Variants in NRXN3 observed in about 807,000 individuals in gnomAD.
The protein encoded by NRXN3 is neurexin III.
In NRXN3, 32 loss-of-function variants were observed where a neutral mutation model predicts 137.6. The observed-to-expected ratio is 0.23, with a 90% CI of 0.18 to 0.31. The LOEUF is 0.31. Ranked by LOEUF, NRXN3 falls within the 10% of genes least tolerant of loss-of-function variation. The pLI, the probability that NRXN3 is intolerant of heterozygous loss-of-function variation, is 1.00. For synonymous variants in NRXN3, 798 were observed against 784.5 expected, an observed-to-expected ratio of 1.02 and a Z score of -0.29; for missense variants, 1,574 against 2,062.5, an observed-to-expected ratio of 0.76 and a Z score of 4.59.
intron 10 of NRXN3, among the ~76,000 whole-genome samples, chr14:78,853,148 A>T (rs539799929): frequency 2.0e-5 from 3 of 152,118 alleles, no homozygotes; most frequent in Non-Finnish European, 4.4e-5. Flanking sequence ...TACATGTGCC[A>T]TGTTGGTGTG....
chr14:79,513,021 G>T (rs1273175767), intron 16 of NRXN3, among the ~76,000 whole-genome samples: 1 of 152,162 alleles, frequency 6.6e-6, no homozygotes, highest in African/African-American at 2.4e-5. Context: ...TTATTAACAT[G>T]GAATGATGCC....
chr14:78,651,558 G>A (rs57288222), intron 6 of NRXN3, among the ~76,000 whole-genome samples: 26,037 of 152,128 alleles, frequency 0.17, 2,405 homozygotes, highest in South Asian at 0.24. Flanking sequence ...GCATGCTGCT[G>A]ATAAAGACAT....
chr14:78,502,756 C>T (rs1474038924), intron 4 of NRXN3, among the ~76,000 whole-genome samples: 2 of 152,178 alleles, frequency 1.3e-5, no homozygotes, highest in Non-Finnish European at 2.9e-5. Flanking sequence ...CTCCCTCACC[C>T]TTCCATTCCT....
intron 4 of NRXN3, among the ~76,000 whole-genome samples, chr14:78,541,467 G>A (rs927992912): frequency 9.9e-5 from 15 of 152,160 alleles, no homozygotes; most frequent in Non-Finnish European, 8.8e-5. Flanking sequence ...AGCTCCATCA[G>A]GTCATTTAAG....
At chr14:79,536,252 G>A (rs1474694356) in intron 16 of NRXN3, among the ~76,000 whole-genome samples, 1 of 152,142 alleles carries the variant, frequency 6.6e-6, no homozygotes. Context: ...AGTACACAGA[G>A]CATGGAAAAC....
chr14:78,171,896 CT>C (rs144209355), intron 1 of NRXN3, among the ~76,000 whole-genome samples: 67 of 148,016 alleles, frequency 4.5e-4, no homozygotes, highest in African/African-American at 1.2e-3. Flanking sequence ...ATTGTTAATA[CT>C]TTTTTTTTTA....
intron 16 of NRXN3, among the ~76,000 whole-genome samples, chr14:79,552,812 G>A (rs2097387793): frequency 3.3e-5 from 5 of 152,132 alleles, no homozygotes; most frequent in Admixed American, 3.3e-4. Flanking sequence ...TACAGATAAA[G>A]TCTCTAAGGT....
chr14:79,066,686 T>G (rs767597190), intron 15 of NRXN3, among the ~76,000 whole-genome samples: 7 of 151,740 alleles, frequency 4.6e-5, no homozygotes, highest in Non-Finnish European at 8.8e-5. Flanking sequence ...TTCACTTCCC[T>G]TGTTAGTTGT....
At chr14:79,367,776 T>C (rs2093950130) in intron 15 of NRXN3, among the ~76,000 whole-genome samples, 1 of 152,186 alleles carries the variant, frequency 6.6e-6, no homozygotes, top group African/African-American at 2.4e-5. Context: ...AGCTAGTAAG[T>C]GGCAGGCTTG....
chr14:78,814,329 A>G (rs1187089434), intron 10 of NRXN3, among the ~76,000 whole-genome samples: 1 of 152,226 alleles, frequency 6.6e-6, no homozygotes, highest in African/African-American at 2.4e-5. Context: ...AAAGGAAAAC[A>G]GAACTGGCCG....
intron 1 of NRXN3, among the ~76,000 whole-genome samples, chr14:78,184,300 A>G (rs994046115): frequency 6.6e-6 from 1 of 152,222 alleles, no homozygotes; most frequent in African/African-American, 2.4e-5. Flanking sequence ...AAGCTGTCAC[A>G]CTAGCCTGAT....
intron 15 of NRXN3, among the ~76,000 whole-genome samples, chr14:79,288,465 G>T (rs1214813577): frequency 6.6e-6 from 1 of 152,190 alleles, no homozygotes; most frequent in Non-Finnish European, 1.5e-5. Flanking sequence ...TGTGTGACAG[G>T]TACTCTTCCA....
chr14:78,552,144 A>G (rs2096698300), intron 4 of NRXN3, among the ~76,000 whole-genome samples: 1 of 152,186 alleles, frequency 6.6e-6, no homozygotes, highest in South Asian at 2.1e-4. Flanking sequence ...GTCACTTGCT[A>G]ATGGAACCAT....
rs987238661 is a variant in NRXN3, at chr14:78,242,990, C to T, written c.-104C>T. On this transcript the variant is annotated 5_prime_UTR_variant, in exon 2 of 21. Transcript: ENST00000335750. ...TTCCTCCTGTGTGCTTTCTGTCCCC[C>T]CATCTCTGTCTTGTCTTTCCCACTT... The T allele has an allele frequency of 7.8e-6, 6 of 764,548 alleles. No individual in the cohort carries two copies. The South Asian group carries it at 1.1e-4, about 14-fold the overall frequency. 47.4% of individuals were successfully genotyped at this position (764,548 alleles called of 1,614,324 possible).
intron 20 of NRXN3, among the ~76,000 whole-genome samples, chr14:79,857,820 C>A (rs544499000): frequency 2.0e-5 from 3 of 152,186 alleles, no homozygotes; most frequent in African/African-American, 7.2e-5. Flanking sequence ...TCTTGAGAAG[C>A]CAGGAAAGAG....
intron 16 of NRXN3, among the ~76,000 whole-genome samples, chr14:79,523,739 T>G (rs1357286062): frequency 6.6e-6 from 1 of 152,234 alleles, no homozygotes; most frequent in Non-Finnish European, 1.5e-5. Context: ...GAGTTGAGAT[T>G]TAGGGACTAA....
At chr14:78,590,076 G>T (rs1413169757) in intron 4 of NRXN3, among the ~76,000 whole-genome samples, 2 of 152,202 alleles carry the variant, frequency 1.3e-5, no homozygotes, top group Middle Eastern at 3.2e-3. Context: ...GAAGTCACAG[G>T]ATCAACAGTC....
chr14:78,600,485 G>T (rs1249841725), intron 4 of NRXN3, among the ~76,000 whole-genome samples: 1 of 152,184 alleles, frequency 6.6e-6, no homozygotes, highest in South Asian at 2.1e-4. Flanking sequence ...CATCTCCCAA[G>T]AGGTAGATCT....
intron 4 of NRXN3, among the ~76,000 whole-genome samples, chr14:78,504,396 C>G (rs888664672): frequency 6.6e-6 from 1 of 152,170 alleles, no homozygotes; most frequent in Non-Finnish European, 1.5e-5. Context: ...TGAAGGATGA[C>G]TTGTTCTCTA....
Sources: allele counts gnomAD v4.1 joint callset (sites outside exome capture counted in the v4.1 genomes callset), GRCh38; gene constraint gnomAD v4.1.1; transcripts MANE v1.5; gene names NCBI Gene and HGNC (gene_info 2026-07-23, HGNC 2026-07-21).